The following CNTNAP4 variants were observed in gnomAD, a reference collection of about 807,000 sequenced individuals.
CNTNAP4 encodes the protein contactin-associated protein-like 4.
In CNTNAP4, 98 loss-of-function variants were observed where a neutral mutation model predicts 148.4. That is an observed-to-expected ratio of 0.66 (90% CI 0.56 to 0.78). The LOEUF (loss-of-function observed/expected upper bound fraction) is 0.78. Ranked by LOEUF, CNTNAP4 falls within the 30% of genes least tolerant of loss-of-function variation. CNTNAP4 has a pLI of 0.00. For synonymous variants in CNTNAP4, 730 were observed against 565.1 expected (o/e 1.29, Z -4.14); for missense variants, 1,935 against 1,565.6 (o/e 1.24, Z -3.98).
intron 18 of CNTNAP4, among the ~76,000 whole-genome samples, chr16:76,536,344 C>A (rs890141485): frequency 6.6e-6 from 1 of 151,958 alleles, no homozygotes; most frequent in Admixed American, 6.6e-5. Context: ...TACAGGAGCC[C>A]ACCACTATGC....
intron 12 of CNTNAP4, among the ~76,000 whole-genome samples, chr16:76,481,314 T>G (rs2081818785): frequency 6.6e-6 from 1 of 152,190 alleles, no homozygotes; most frequent in Non-Finnish European, 1.5e-5. Flanking sequence ...CTAATTTAAT[T>G]AAAATTAATT....
At chr16:76,412,703 G>C (rs761802678) in intron 3 of CNTNAP4, among the ~76,000 whole-genome samples, 1 of 151,030 alleles carries the variant, frequency 6.6e-6, no homozygotes, top group Non-Finnish European at 1.5e-5. Context: ...TTGCTTTGTA[G>C]TTCACTATGT....
intron 2 of CNTNAP4, among the ~76,000 whole-genome samples, chr16:76,345,178 G>A (rs1300588873): frequency 6.6e-6 from 1 of 152,126 alleles, no homozygotes; most frequent in Non-Finnish European, 1.5e-5. Flanking sequence ...TTTGGCTAAT[G>A]GATGCAGCAG....
intron 1 of CNTNAP4, among the ~76,000 whole-genome samples, chr16:76,285,552 G>A (rs568872974): frequency 4.0e-4 from 61 of 152,004 alleles, no homozygotes; most frequent in Non-Finnish European, 3.5e-4. Context: ...CTTCTAAATC[G>A]TAAAAGACAT....
intron 3 of CNTNAP4, among the ~76,000 whole-genome samples, chr16:76,397,948 A>G (rs1203681736): frequency 0.047 from 118 of 2,524 alleles, 2 homozygotes; most frequent in East Asian, 0.059. Flanking sequence ...TTATATACAT[A>G]TATATATATA....
chr16:76,287,504 A>T lies in CNTNAP4; in HGVS notation c.85+9757A>T, dbSNP rs534129556. ...TAATTGCAACATGAACCAGATTAGC[A>T]TGAAAGTATGTAGGTAGTACCATTA... On this transcript the variant is annotated intron_variant, in intron 1 of 23. Coordinates refer to ENST00000611870, the MANE Select transcript of CNTNAP4 (RefSeq NM_033401.5). The T allele has an allele frequency of 1.2e-4, 18 of 152,348 alleles. No homozygotes were observed. In the South Asian group the frequency reaches 3.3e-3, roughly 28 times the overall value. 9.4% of individuals were successfully genotyped at this position (152,348 alleles called of 1,614,324 possible).
chr16:76,311,536 A>G (rs910322420), intron 1 of CNTNAP4, among the ~76,000 whole-genome samples: 1 of 152,226 alleles, frequency 6.6e-6, no homozygotes, highest in Admixed American at 6.5e-5. Context: ...TAGTATATAT[A>G]CATTTTTTAA....
At chr16:76,313,474 G>T (rs1457145628) in intron 1 of CNTNAP4, among the ~76,000 whole-genome samples, 1 of 152,136 alleles carries the variant, frequency 6.6e-6, no homozygotes, top group Non-Finnish European at 1.5e-5. Context: ...CATTTTTGTT[G>T]TTGCCTGTAA....
At chr16:76,385,711 C>T (rs2016454350) in intron 3 of CNTNAP4, among the ~76,000 whole-genome samples, 1 of 152,094 alleles carries the variant, frequency 6.6e-6, no homozygotes, top group African/African-American at 2.4e-5. Flanking sequence ...TTTTTGTCCA[C>T]CCATCAATAC....
chr16:76,481,137 A>G (rs2081812566), intron 12 of CNTNAP4, among the ~76,000 whole-genome samples: 1 of 152,202 alleles, frequency 6.6e-6, no homozygotes, highest in African/African-American at 2.4e-5. Context: ...TTGATATGTA[A>G]TGAAGGAAAG....
At chr16:76,307,721 T>C (rs995222537) in intron 1 of CNTNAP4, among the ~76,000 whole-genome samples, 7 of 152,154 alleles carry the variant, frequency 4.6e-5, no homozygotes, top group Non-Finnish European at 8.8e-5. Flanking sequence ...CTTCTACCCC[T>C]TCACCTTTGA....
rs558661646 is a variant in CNTNAP4 at position 76,396,176 on chromosome 16, C to T, written c.391-31276C>T. Among the ~76,000 whole-genome samples the T allele has an allele frequency of 9.9e-5, 15 of 152,258 alleles. No homozygotes were observed. In the South Asian group the frequency reaches 1.7e-3, roughly 17 times the overall value. On this transcript the variant is annotated intron_variant, in intron 3 of 23. Coordinates refer to ENST00000611870, the MANE Select transcript of CNTNAP4 (RefSeq NM_033401.5). Reference sequence around the variant, plus strand: ...ATTTCCAAATTTTGCTTTGTTAGACCTTAGGCGTTTATATAGCTAAAAAAG... The same window carrying T: ...ATTTCCAAATTTTGCTTTGTTAGACTTTAGGCGTTTATATAGCTAAAAAAG...
intron 1 of CNTNAP4, among the ~76,000 whole-genome samples, chr16:76,298,481 CAT>C (rs138285939): frequency 0.029 from 3,854 of 134,890 alleles, 178 homozygotes; most frequent in African/African-American, 0.1. Context: ...CATGTGTGTA[CAT>C]GTATGTGTGT....
Position 76,399,232 on chromosome 16 carries a change from C to T in CNTNAP4, c.391-28220C>T, listed in dbSNP as rs540591014. 7.9e-5 allele frequency among the ~76,000 whole-genome samples: 12 copies of T among 152,256 alleles called. No individual in the cohort carries two copies. In the East Asian group the frequency reaches 2.3e-3, roughly 29 times the overall value. On this transcript the variant is annotated intron_variant, in intron 3 of 23. Transcript: ENST00000611870. ...CATGAAAATAGACTAATACACTTTG[C>T]TAACTGTGTAGTCTTGGATAATTCA...
intron 3 of CNTNAP4, among the ~76,000 whole-genome samples, chr16:76,364,692 G>T (rs1427755155): frequency 6.6e-6 from 1 of 152,068 alleles, no homozygotes; most frequent in African/African-American, 2.4e-5. Context: ...TTTCTTCATT[G>T]TTCCTTAGGA....
intron 2 of CNTNAP4, among the ~76,000 whole-genome samples, chr16:76,317,836 A>T (rs1961964640): frequency 6.6e-6 from 1 of 152,170 alleles, no homozygotes; most frequent in African/African-American, 2.4e-5. Context: ...GTTTATTTTA[A>T]AATTTCATTT....
At chr16:76,419,015 A>C (rs1286551871) in intron 3 of CNTNAP4, among the ~76,000 whole-genome samples, 1 of 151,922 alleles carries the variant, frequency 6.6e-6, no homozygotes, top group Non-Finnish European at 1.5e-5. Context: ...GTATTATTGC[A>C]CTGGACTCCT....
At chr16:76,305,156 C>A (rs936163173) in intron 1 of CNTNAP4, among the ~76,000 whole-genome samples, 2 of 152,130 alleles carry the variant, frequency 1.3e-5, no homozygotes, top group Non-Finnish European at 2.9e-5. Context: ...TGCTAAATTG[C>A]TTTCCTCTAA....
rs1352392824 is a variant in CNTNAP4, at chr16:76,503,947, G to GA, written c.2365+5259dup. On this transcript the variant is annotated intron_variant, in intron 15 of 23. Coordinates refer to ENST00000611870, the MANE Select transcript of CNTNAP4 (RefSeq NM_033401.5). ...TGGTGTAAATATAACAAATTATTAA[G>GA]AAAAAATTAAGAAAATTATATTTAA... Among the ~76,000 whole-genome samples the GA allele has an allele frequency of 2.0e-5, 3 of 151,782 alleles. No homozygotes were observed. The East Asian group carries it at 5.8e-4, about 29-fold the overall frequency.
Sources: allele counts gnomAD v4.1 joint callset (sites outside exome capture counted in the v4.1 genomes callset), GRCh38; gene constraint gnomAD v4.1.1; transcripts MANE v1.5; gene names NCBI Gene and HGNC (gene_info 2026-07-23, HGNC 2026-07-21).